CAPN2: variants seen among roughly 807,000 people sequenced by gnomAD.
The protein encoded by CAPN2 is calpain-2 catalytic subunit.
Under a neutral mutation model 102.3 loss-of-function variants are expected in CAPN2, and 92 were observed. The ratio of observed to expected loss-of-function variants is 0.90; its 90% CI spans 0.76 to 1.07. The LOEUF (loss-of-function observed/expected upper bound fraction) is 1.07, where lower values mean the gene tolerates loss of function less well. Ranked by LOEUF, CAPN2 falls within the 50% of genes least tolerant of loss-of-function variation. The probability of loss-of-function intolerance (pLI) is 0.00; values close to 1 mark genes in which losing one functional copy is unlikely to be tolerated. For synonymous variants in CAPN2, 340 were observed against 355.4 expected, an observed-to-expected ratio of 0.96 and a Z score of 0.49; for missense variants, 800 against 909.4, an observed-to-expected ratio of 0.88 and a Z score of 1.55.
At position 223,744,156 on chromosome 1, in the gene CAPN2, G is replaced by A. The variant is rs753706157; in HGVS notation, c.364G>A (p.Ala122Thr). Residue 122 changes from alanine (A) to threonine (T), a missense_variant, in exon 3 of 21, where the codon GCT becomes ACT. Transcript: ENST00000295006. ...CCTCACCTTGAATGAAGAAATCCTG[G>A]CTCGAGTCGTCCCCCTAAACCAGAG... ...ASLTLNEEILARVVPLNQSFQ... is the reference protein window; with the variant it reads ...ASLTLNEEILTRVVPLNQSFQ... The A allele has an allele frequency of 6.2e-7, 1 of 1,614,132 alleles. No individual in the cohort carries two copies. The highest frequency in any genetic ancestry group is 1.1e-5 in the South Asian group (1 of 91,078).
intron 2 of CAPN2, among the ~76,000 whole-genome samples, chr1:223,729,662 T>G (rs544518358): frequency 2.4e-4 from 37 of 152,146 alleles, no homozygotes; most frequent in Non-Finnish European, 4.7e-4. Context: ...GATTCAGAGA[T>G]TTTTCTGATT....
chr1:223,757,761 G>A (rs769060005), intron 11 of CAPN2: 29 of 261,700 alleles, frequency 1.1e-4, no homozygotes, highest in Non-Finnish European at 1.9e-4. Flanking sequence ...AAGACAACGC[G>A]GGAGCACAGA....
chr1:223,748,091 C>T (rs1222131), intron 5 of CAPN2, among the ~76,000 whole-genome samples: 6,017 of 152,282 alleles, frequency 0.04, 396 homozygotes, highest in African/African-American at 0.14. Flanking sequence ...CCTCCATCTG[C>T]AGTGCTGTGC....
chr1:223,736,802 C>T (rs564107259), intron 2 of CAPN2, among the ~76,000 whole-genome samples: 69 of 152,186 alleles, frequency 4.5e-4, no homozygotes, highest in African/African-American at 1.6e-3. Context: ...CCCAATACTT[C>T]GGGAGGCTGA....
chr1:223,706,658 G>A (rs1396552117), intron 1 of CAPN2, among the ~76,000 whole-genome samples: 1 of 152,196 alleles, frequency 6.6e-6, no homozygotes, highest in Non-Finnish European at 1.5e-5. Flanking sequence ...TAAATGAGGA[G>A]ATAAGATCTC....
chr1:223,737,798 T>G (rs1660504485), intron 2 of CAPN2, among the ~76,000 whole-genome samples: 1 of 144,292 alleles, frequency 6.9e-6, no homozygotes, highest in African/African-American at 2.6e-5. Context: ...AAGAAGGGAA[T>G]GTGTCAAAAC....
chr1:223,770,656 C>A, intron 18 of CAPN2, 131 bp downstream of exon 18: 1 of 592,094 alleles, frequency 1.7e-6, no homozygotes, highest in Non-Finnish European at 3.0e-6. Context: ...TTAATACAGA[C>A]ACCTCCTTTT....
intron 1 of CAPN2, among the ~76,000 whole-genome samples, chr1:223,713,664 C>T (rs1208165658): frequency 6.6e-6 from 1 of 152,178 alleles, no homozygotes; most frequent in Non-Finnish European, 1.5e-5. Flanking sequence ...TCCCCTACCA[C>T]GCCTAGGAAA....
chr1:223,703,012 G>C (rs1659521708), intron 1 of CAPN2, among the ~76,000 whole-genome samples: 1 of 152,188 alleles, frequency 6.6e-6, no homozygotes, highest in East Asian at 1.9e-4. Context: ...TTCGAATCAA[G>C]GAAGTCATTG....
At chr1:223,732,119 T>C (rs989720644) in intron 2 of CAPN2, among the ~76,000 whole-genome samples, 8 of 151,840 alleles carry the variant, frequency 5.3e-5, no homozygotes, top group African/African-American at 1.7e-4. Flanking sequence ...GGTCACGGTG[T>C]GGGGGTGGAG....
chr1:223,752,944 A>G lies in CAPN2; in HGVS notation c.1123A>G (p.Arg375Gly). ...GCGGGGCTCCACCGCGGGAGGTTGCAGGAACTACCCGAGTAAGGGCTGTTG... is the reference window on the plus strand; with the variant it reads ...GCGGGGCTCCACCGCGGGAGGTTGCGGGAACTACCCGAGTAAGGGCTGTTG... The part of the protein sequence containing the change: ...WRRGSTAGGC[R>G]NYPNTFWMNP... The change falls in exon 9 of 21, where the codon AGG becomes GGG. Residue 375 changes from arginine to glycine, a missense_variant. Transcript: ENST00000295006. 1 of 1,614,126 alleles carries G rather than the reference A, an allele frequency of 6.2e-7. No homozygotes were observed. The highest frequency in any genetic ancestry group is 8.5e-7 in the Non-Finnish European group (1 of 1,180,006).
At chr1:223,772,906 A>G (rs967136164) in intron 20 of CAPN2, 3 of 152,268 alleles carry the variant, frequency 2.0e-5, no homozygotes, top group Non-Finnish European at 4.4e-5. Context: ...GTATACTTCC[A>G]TTATCACCTG....
upstream of CAPN2, among the ~76,000 whole-genome samples, chr1:223,710,066 G>A (rs1659698261): frequency 6.6e-6 from 1 of 152,110 alleles, no homozygotes; most frequent in Admixed American, 6.6e-5. Context: ...CCTGAGGTCA[G>A]GAATTCGAGA....
In CAPN2 at chr1:223,726,797, A is replaced by G. The variant is rs1660205577; in HGVS notation, c.307+8966A>G. 6.6e-6 allele frequency among the ~76,000 whole-genome samples: 1 copy of G among 151,880 alleles called. No homozygotes were observed. Among genetic ancestry groups the G allele is most frequent in the Non-Finnish European group, 1.5e-5 (1 of 67,958 alleles). ...CCTGATACAAATGAAGGATGATTGT[A>G]CATGCATGGGGAATTCCACTTTGGG... On this transcript the variant is annotated intron_variant, in intron 2 of 20. Coordinates refer to ENST00000295006, the MANE Select transcript of CAPN2 (RefSeq NM_001748.5). The surrounding 1 kb of genome is among the most constrained non-coding windows in gnomAD (Gnocchi z 4.4).
Position 223,761,618 on chromosome 1 carries a change from G to C in CAPN2, c.1566+1G>C, listed in dbSNP as rs1661186644. 1 of 1,609,422 alleles carries C rather than the reference G, an allele frequency of 6.2e-7. No homozygotes were observed. Among genetic ancestry groups the C allele is most frequent in the African/African-American group, 1.3e-5 (1 of 74,794 alleles). The stretch of plus-strand genomic sequence containing the variant: ...TGAAATCGAGGCCAATCTTGAAGAG[G>C]TATTTGTAACTCTTTGAATTTCACC... On this transcript the variant is annotated splice_donor_variant, in intron 13 of 20. Transcript: ENST00000295006. LOFTEE classifies it high-confidence loss of function.
intron 2 of CAPN2, among the ~76,000 whole-genome samples, chr1:223,722,195 A>G (rs767610972): frequency 2.0e-5 from 3 of 151,652 alleles, no homozygotes; most frequent in East Asian, 2.0e-4. Context: ...AAGGGGTCAG[A>G]TGTGCATTCC....
chr1:223,764,484 C>CA (rs1458839266), intron 15 of CAPN2, among the ~76,000 whole-genome samples: 1 of 152,120 alleles, frequency 6.6e-6, no homozygotes, highest in African/African-American at 2.4e-5. Context: ...GACAGAGTCT[C>CA]ACTCTGTCGC....
chr1:223,717,325 G>A (rs1428775208), intron 1 of CAPN2, among the ~76,000 whole-genome samples: 2 of 152,168 alleles, frequency 1.3e-5, no homozygotes, highest in Non-Finnish European at 2.9e-5. Flanking sequence ...ATATGGAAAA[G>A]GAGGGAAGAG....
intron 2 of CAPN2, among the ~76,000 whole-genome samples, chr1:223,728,256 A>C (rs1233583427): frequency 8.5e-5 from 13 of 152,182 alleles, no homozygotes; most frequent in Non-Finnish European, 1.5e-5. Flanking sequence ...GGTTGCAATC[A>C]GATGGGGATG....
Sources: gnomAD v4.1 joint callset for allele counts (sites outside exome capture counted in the v4.1 genomes callset) on GRCh38, gnomAD v4.1.1 for gene constraint, Gnocchi (gnomAD v3.1) non-coding constraint, MANE v1.5 for transcripts, NCBI Gene and HGNC (gene_info 2026-07-23, HGNC 2026-07-21) for gene names.